The following DHX57 variants were observed in gnomAD, a reference collection of about 807,000 sequenced individuals.
DHX57 encodes the protein DExH-box helicase 57.
DHX57 carries 105 observed loss-of-function variants against 156.2 expected under a neutral mutation model. The observed-to-expected ratio is 0.67, with a 90% CI of 0.57 to 0.79. The LOEUF is 0.79. Among genes scored for constraint, DHX57 ranks in the 30% least tolerant of loss-of-function variants. The pLI is 0.00. For synonymous variants in DHX57, 704 were observed against 595.6 expected (o/e 1.18, Z -2.65); for missense variants, 1,847 against 1,661.9 (o/e 1.11, Z -1.94).
At chr2:38,868,639 A>G (rs1464343943) in intron 1 of DHX57, among the ~76,000 whole-genome samples, 1 of 152,190 alleles carries the variant, frequency 6.6e-6, no homozygotes, top group African/African-American at 2.4e-5. Flanking sequence ...AAATCTTCAC[A>G]AAAGATTTAT....
intron 23 of DHX57, among the ~76,000 whole-genome samples, chr2:38,800,362 A>C (rs1669624697): frequency 6.6e-6 from 1 of 152,116 alleles, no homozygotes; most frequent in South Asian, 2.1e-4. Flanking sequence ...TCAAAAAAAA[A>C]AATAAATAAG....
At chr2:38,806,246 A>C (rs747008836) in intron 22 of DHX57, among the ~76,000 whole-genome samples, 8 of 152,168 alleles carry the variant, frequency 5.3e-5, no homozygotes, top group Non-Finnish European at 8.8e-5. Flanking sequence ...AGAATAGGTC[A>C]TTCATTTCCT....
Position 38,802,849 on chromosome 2 carries a change from G to A in DHX57, c.3883C>T (p.Arg1295Ter), listed in dbSNP as rs776829780. 9.3e-6 allele frequency: 15 copies of A among 1,613,936 alleles called. No individual in the cohort carries two copies. Among genetic ancestry groups the A allele is most frequent in the East Asian group, 2.2e-5 (1 of 44,890 alleles). The change falls in exon 23 of 24, where the codon CGA becomes TGA. Residue 1295 changes from arginine (R) to a stop codon, truncating the protein, a stop_gained. Coordinates refer to ENST00000457308, the MANE Select transcript of DHX57 (RefSeq NM_198963.3). LOFTEE classifies it high-confidence loss of function. ...EKIKTSRVFI[R>*]DCSMVSVYPL... ...TACACAGACACCATGCTGCAGTCTC[G>A]GATGAATACTCGACTAGTTTTTATC...
chr2:38,835,357 C>G (rs376138310), intron 13 of DHX57, among the ~76,000 whole-genome samples: 7 of 152,276 alleles, frequency 4.6e-5, no homozygotes, highest in African/African-American at 1.2e-4. Flanking sequence ...TAACCCCTGG[C>G]CTTGAACAGA....
At chr2:38,821,396 GA>G (rs1031651368) in intron 17 of DHX57, among the ~76,000 whole-genome samples, 1 of 151,978 alleles carries the variant, frequency 6.6e-6, no homozygotes, top group Non-Finnish European at 1.5e-5. Context: ...AAAAACAATT[GA>G]AAAAAATTAA....
At chr2:38,812,022 G>C (rs2148541460) in intron 21 of DHX57, among the ~76,000 whole-genome samples, 1 of 152,068 alleles carries the variant, frequency 6.6e-6, no homozygotes, top group Admixed American at 6.6e-5. Flanking sequence ...GCCTCCCAAA[G>C]TGCTTGGATT....
At chr2:38,810,438 T>G in intron 21 of DHX57, 1 of 528,984 alleles carries the variant, frequency 1.9e-6, no homozygotes, top group Non-Finnish European at 3.7e-6. Flanking sequence ...AGGGGTCTAT[T>G]TGGCAGTGAC....
chr2:38,872,049 G>A (rs1021204376), intron 1 of DHX57, among the ~76,000 whole-genome samples: 2 of 152,136 alleles, frequency 1.3e-5, no homozygotes, highest in African/African-American at 2.4e-5. Context: ...TCCCATGCTA[G>A]TGACATTAAA....
rs534030559 is a variant in DHX57, at chr2:38,865,829, T to C, written c.225-2310A>G. Among the ~76,000 whole-genome samples, 3 of 152,178 alleles carry C rather than the reference T, an allele frequency of 2.0e-5. No individual in the cohort carries two copies. In the South Asian group the frequency reaches 6.2e-4, roughly 32 times the overall value. The stretch of plus-strand genomic sequence containing the variant: ...CTTTTTCTTGAACCTCAGATTTATA[T>C]ATTAAATTATCTATTTTATATCTAC... On this transcript the variant is annotated intron_variant, in intron 2 of 23. Coordinates refer to ENST00000457308, the MANE Select transcript of DHX57 (RefSeq NM_198963.3).
At chr2:38,859,870 G>T (rs982503449) in intron 5 of DHX57, among the ~76,000 whole-genome samples, 2 of 147,414 alleles carry the variant, frequency 1.4e-5, no homozygotes, top group Non-Finnish European at 3.0e-5. Flanking sequence ...CTCCAAGGCC[G>T]AAATGCAATG....
chr2:38,839,174 C>G (rs1157497923), intron 12 of DHX57, among the ~76,000 whole-genome samples: 2 of 151,748 alleles, frequency 1.3e-5, no homozygotes, highest in African/African-American at 2.4e-5. Context: ...TCGTGATCCA[C>G]CCGCCTCGGC....
rs1670689286 is a variant in DHX57, at chr2:38,819,098, T to G, written c.3338A>C (p.Glu1113Ala). ...KKEEANQKKL[E>A]FAFANSDYLA... is the part of the protein sequence containing the mutation. ...ATAATCACTGTTTGCGAATGCAAAT[T>G]CCAGCTTTTTCTGGTTAGCTTCTTC... Residue 1113 changes from glutamate to alanine, a missense_variant, in exon 18 of 24, where the codon GAA becomes GCA. Transcript: ENST00000457308. 3 of 1,614,094 alleles carry G rather than the reference T, an allele frequency of 1.9e-6. No homozygotes were observed. In the South Asian group the frequency reaches 3.3e-5, roughly 18 times the overall value.
In DHX57 at chr2:38,826,659, T is replaced by C. The variant is rs372860065; in HGVS notation, c.2670A>G (p.Leu890=). 6 of 1,614,016 alleles carry C rather than the reference T, an allele frequency of 3.7e-6. No individual in the cohort carries two copies. The African/African-American group carries it at 5.3e-5, about 14-fold the overall frequency. ...RCVIHPLHSS[L]SSEEQQAVFV... is the part of the protein sequence containing the mutation. The stretch of plus-strand genomic sequence containing the variant: ...ACACAGCCTGCTGCTCTTCACTGGA[T>C]AAAGATGAATGAAGTGGGTGAATAA... The change falls in exon 15 of 24, where the codon TTA becomes TTG. Residue 890 remains leucine (L), a synonymous_variant. Coordinates refer to ENST00000457308, the MANE Select transcript of DHX57 (RefSeq NM_198963.3).
At chr2:38,810,321 T>C (rs571442464) in intron 21 of DHX57, 235 of 354,780 alleles carry the variant, frequency 6.6e-4, no homozygotes, top group Non-Finnish European at 1.1e-3. Flanking sequence ...GCAGCCCCAC[T>C]ACACTCTTAG....
In DHX57 at chr2:38,855,219, A is replaced by G. The variant is rs143241044; in HGVS notation, c.1743T>C (p.Ile581=). Residue 581 remains isoleucine, a synonymous_variant, in exon 8 of 24, where the codon ATT becomes ATC. Transcript: ENST00000457308. ...GTGGTCCATTCAGAGAATCATCCAG[A>G]ATAAACTGCGGAATTTGTGTGGTTT... ...CGKTTQIPQF[I]LDDSLNGPPE... 6.2e-7 allele frequency: 1 copy of G among 1,614,196 alleles called. No individual in the cohort carries two copies.
intron 21 of DHX57, among the ~76,000 whole-genome samples, chr2:38,812,814 T>C (rs1670323623): frequency 6.6e-6 from 1 of 151,846 alleles, no homozygotes; most frequent in Admixed American, 6.6e-5. Flanking sequence ...ATTACAGGCG[T>C]GAGCCATCGT....
At chr2:38,826,460 T>C in intron 15 of DHX57, 56 bp downstream of exon 15, 1 of 1,573,164 alleles carries the variant, frequency 6.4e-7, no homozygotes, top group Non-Finnish European at 8.7e-7. Context: ...AACAACGGTG[T>C]CTCCCTAAAT....
chr2:38,833,864 G>T (rs1232742427), intron 13 of DHX57, among the ~76,000 whole-genome samples: 1 of 151,874 alleles, frequency 6.6e-6, no homozygotes, highest in African/African-American at 2.4e-5. Context: ...AAAGAGATAT[G>T]TCATGAATGC....
At chr2:38,841,362 T>A (rs1434980147) in intron 12 of DHX57, among the ~76,000 whole-genome samples, 1 of 152,208 alleles carries the variant, frequency 6.6e-6, no homozygotes, top group African/African-American at 2.4e-5. Context: ...TCAAGATCAT[T>A]AGCTGGTTTT....
Sources: allele counts gnomAD v4.1 joint callset (sites outside exome capture counted in the v4.1 genomes callset), GRCh38; gene constraint gnomAD v4.1.1; transcripts MANE v1.5; gene names NCBI Gene and HGNC (gene_info 2026-07-23, HGNC 2026-07-21).